Variants in C6orf52 observed in about 807,000 individuals in gnomAD.
C6orf52 encodes putative uncharacterized protein C6orf52.
Under a neutral mutation model 16.6 loss-of-function variants are expected in C6orf52, and 16 were observed. The observed-to-expected ratio is 0.96, with a 90% CI of 0.65 to 1.46. The LOEUF (loss-of-function observed/expected upper bound fraction) is 1.46. Ranked by LOEUF, C6orf52 falls within the 40% of genes most tolerant of loss-of-function variation. C6orf52 has a pLI of 0.00. For missense variants in C6orf52, 166 were observed against 182.3 expected (o/e 0.91, Z 0.52); for synonymous variants, 53 against 61.4 (o/e 0.86, Z 0.64).
At chr6:10,682,805 C>T (rs565763014) in intron 4 of C6orf52, among the ~76,000 whole-genome samples, 2 of 152,170 alleles carry the variant, frequency 1.3e-5, no homozygotes, top group Non-Finnish European at 2.9e-5. Flanking sequence ...GCTGCTCTGT[C>T]AGGTACCCCA....
chr6:10,694,606 G>GGTGGTC lies in C6orf52; in HGVS notation c.-125_-124insGACCAC. ...CCGGCGCTACAGCCCCTAAGCAACC[G>GGTGGTC]GCCGGAAGTCGGCCCCACCTCCTCC... On this transcript the variant is annotated 5_prime_UTR_variant, in exon 1 of 5. Transcript: ENST00000259983. The GGTGGTC allele has an allele frequency of 3.5e-5, 6 of 169,820 alleles. No individual in the cohort carries two copies. The highest frequency in any genetic ancestry group is 1.3e-4 in the South Asian group (1 of 7,412). The allele number at this position is 169,820 out of a possible 1,614,324, so 10.5% of individuals were successfully genotyped here.
At chr6:10,676,560 T>C (rs1454486308) in intron 4 of C6orf52, among the ~76,000 whole-genome samples, 3 of 152,352 alleles carry the variant, frequency 2.0e-5, no homozygotes, top group Admixed American at 1.3e-4. Flanking sequence ...CAGCCACTTG[T>C]GCAGTAAGGA....
intron 4 of C6orf52, among the ~76,000 whole-genome samples, chr6:10,678,440 T>C (rs1483916394): frequency 1.3e-5 from 2 of 152,190 alleles, no homozygotes; most frequent in African/African-American, 4.8e-5. Flanking sequence ...CAAACAGTAT[T>C]AGTGTATAGA....
intron 4 of C6orf52, among the ~76,000 whole-genome samples, chr6:10,678,183 TAAAAAAAAA>T (rs377733205): frequency 2.0e-5 from 2 of 101,606 alleles, no homozygotes; most frequent in African/African-American, 7.7e-5. Context: ...GAGACTGTCT[TAAAAAAAAA>T]AAAAAAAAAA....
At chr6:10,690,586 C>T (rs1769205798) in intron 1 of C6orf52, among the ~76,000 whole-genome samples, 1 of 152,100 alleles carries the variant, frequency 6.6e-6, no homozygotes, top group Admixed American at 6.5e-5. Context: ...ATCCACTTTA[C>T]CACCCTCAAC....
At chr6:10,678,597 A>G (rs947756502) in intron 4 of C6orf52, among the ~76,000 whole-genome samples, 1 of 152,222 alleles carries the variant, frequency 6.6e-6, no homozygotes, top group Admixed American at 6.5e-5. Context: ...AATAAAATGA[A>G]TATTGCAATG....
chr6:10,674,096 T>G (rs1050706473), intron 4 of C6orf52, among the ~76,000 whole-genome samples: 2 of 152,160 alleles, frequency 1.3e-5, no homozygotes, highest in African/African-American at 4.8e-5. Flanking sequence ...AGGACCCTCT[T>G]CTGGGTTGCA....
At chr6:10,681,035 C>T (rs1333902475) in intron 4 of C6orf52, among the ~76,000 whole-genome samples, 1 of 152,220 alleles carries the variant, frequency 6.6e-6, no homozygotes, top group East Asian at 1.9e-4. Flanking sequence ...CCCCTGGGCT[C>T]AAATGATCCT....
chr6:10,683,539 C>A (rs1297545427), intron 3 of C6orf52, among the ~76,000 whole-genome samples: 1 of 152,150 alleles, frequency 6.6e-6, no homozygotes, highest in Non-Finnish European at 1.5e-5. Context: ...GCTAGGAAAC[C>A]AGACACCAGC....
rs1768880613 is a variant in C6orf52 at position 10,686,522 on chromosome 6, AGT to A, written c.270+442_270+443del. On this transcript the variant is annotated intron_variant, in intron 3 of 4. Transcript: ENST00000259983. ...TCAAAGTATTAAAATATATTTTTAA[AGT>A]GTGTTTATGTCCAACTGCTATAAAA... is the stretch of plus-strand genomic sequence containing the variant. 2.0e-5 allele frequency among the ~76,000 whole-genome samples: 3 copies of A among 152,342 alleles called. No individual in the cohort carries two copies. The South Asian group carries it at 6.2e-4, about 32-fold the overall frequency.
chr6:10,687,293 G>C (rs1768937752), intron 2 of C6orf52, 129 bp from the exon 3 acceptor site: 2 of 797,656 alleles, frequency 2.5e-6, no homozygotes, highest in Admixed American at 5.4e-5. Context: ...ACCTAATGTA[G>C]ATGACGGGTT....
chr6:10,677,387 T>G (rs1581537414), intron 4 of C6orf52, among the ~76,000 whole-genome samples: 1 of 152,150 alleles, frequency 6.6e-6, no homozygotes, highest in Admixed American at 6.5e-5. Context: ...TCTGTTATTA[T>G]GCCAGTATCA....
intron 1 of C6orf52, among the ~76,000 whole-genome samples, chr6:10,691,486 T>G (rs889062183): frequency 2.6e-5 from 4 of 152,122 alleles, no homozygotes; most frequent in African/African-American, 4.8e-5. Flanking sequence ...TTCTATACAA[T>G]GTCTCTAATC....
intron 1 of C6orf52, among the ~76,000 whole-genome samples, chr6:10,688,754 C>T (rs1328732786): frequency 6.6e-6 from 1 of 152,186 alleles, no homozygotes; most frequent in Non-Finnish European, 1.5e-5. Context: ...CCAGTAGTAT[C>T]CAGCATGTGG....
chr6:10,683,305 A>G (rs1160369165), intron 3 of C6orf52, 73 bp from the exon 4 acceptor site: 2 of 915,904 alleles, frequency 2.2e-6, no homozygotes, highest in East Asian at 5.5e-5. Context: ...CTTTATTGGG[A>G]AAAACTCTAG....
intron 1 of C6orf52, among the ~76,000 whole-genome samples, chr6:10,688,213 A>T (rs1305783269): frequency 3.4e-5 from 5 of 148,356 alleles, no homozygotes; most frequent in African/African-American, 1.3e-4. Flanking sequence ...TTTTTTTTAA[A>T]AAAAGCATAA....
intron 4 of C6orf52, 107 bp downstream of exon 4, chr6:10,683,080 C>T (rs1431340744): frequency 5.6e-6 from 4 of 709,876 alleles, no homozygotes; most frequent in Non-Finnish European, 9.2e-6. Flanking sequence ...AGGCAACCTA[C>T]ATTGGAATTT....
At chr6:10,676,352 C>T (rs117893531) in intron 4 of C6orf52, among the ~76,000 whole-genome samples, 2 of 152,236 alleles carry the variant, frequency 1.3e-5, no homozygotes, top group East Asian at 1.9e-4. Context: ...AGAAAGTCCT[C>T]GGTAAGGTTT....
At chr6:10,682,422 T>C (rs1224496472) in intron 4 of C6orf52, among the ~76,000 whole-genome samples, 1 of 152,220 alleles carries the variant, frequency 6.6e-6, no homozygotes, top group Non-Finnish European at 1.5e-5. Context: ...TGATTTAATT[T>C]AAACACTGAG....
Sources: gnomAD v4.1 joint callset for allele counts (sites outside exome capture counted in the v4.1 genomes callset) on GRCh38, gnomAD v4.1.1 for gene constraint, MANE v1.5 for transcripts, NCBI Gene and HGNC (gene_info 2026-07-23, HGNC 2026-07-21) for gene names.